The following MYCBP2 variants were observed in gnomAD, a reference collection of about 807,000 sequenced individuals.
The protein encoded by MYCBP2 is MYC binding protein 2, also known as E3 ubiquitin-protein ligase MYCBP2.
A neutral mutation model predicts 525.3 loss-of-function variants in MYCBP2; 120 were observed. The observed-to-expected ratio is 0.23, with a 90% confidence interval of 0.20 to 0.27. The LOEUF is 0.27. Ranked by LOEUF, MYCBP2 falls within the 10% of genes least tolerant of loss-of-function variation. MYCBP2 has a pLI of 1.00. For missense variants in MYCBP2, 4,149 were observed against 5,657.1 expected, an observed-to-expected ratio of 0.73 and a Z score of 8.55; for synonymous variants, 1,894 against 1,955.8, an observed-to-expected ratio of 0.97 and a Z score of 0.83.
intron 65 of MYCBP2, 72 bp from the exon 66 acceptor site, chr13:77,078,961 C>T: frequency 8.2e-7 from 1 of 1,221,216 alleles, no homozygotes; most frequent in Non-Finnish European, 1.2e-6. Context: ...TTCTCATGAC[C>T]TACTAATACC....
Position 77,243,151 on chromosome 13 carries a change from A to G in MYCBP2, c.2537T>C (p.Val846Ala), listed in dbSNP as rs772148428. 2 of 1,613,864 alleles carry G rather than the reference A, an allele frequency of 1.2e-6. No homozygotes were observed. Among genetic ancestry groups the G allele is most frequent in the Non-Finnish European group, 8.5e-7 (1 of 1,179,848 alleles). The part of the protein sequence containing the change: ...IPLDLLLAVP[V>A]PGVNIEEHLQ... ...GTGTTCTTCAATGTTAACCCCGGGC[A>G]CTGGGACAGCTAGATGATTGGCCAA... The change falls in exon 17 of 83, where the codon GTG becomes GCG. Residue 846 changes from valine (V) to alanine (A), a missense_variant. Val to Ala is a moderately conservative substitution (Grantham distance 64, BLOSUM62 0). Around this residue, in one of 21 missense-constraint regions of MYCBP2, gnomAD observed 620 missense variants for 795.5 expected, o/e 0.78. Transcript: ENST00000544440.
At chr13:77,305,169 A>ATC (rs2079252379) in intron 1 of MYCBP2, among the ~76,000 whole-genome samples, 1 of 152,114 alleles carries the variant, frequency 6.6e-6, no homozygotes, top group African/African-American at 2.4e-5. Context: ...CTCATAAGAC[A>ATC]AGCATAACTC....
At chr13:77,113,065 C>A (rs1426416108) in intron 55 of MYCBP2, among the ~76,000 whole-genome samples, 1 of 152,182 alleles carries the variant, frequency 6.6e-6, no homozygotes, top group Non-Finnish European at 1.5e-5. Context: ...GCTTAGTACA[C>A]TGCCTGACAC....
chr13:77,210,783 C>A (rs2063906056), intron 23 of MYCBP2, among the ~76,000 whole-genome samples: 1 of 152,024 alleles, frequency 6.6e-6, no homozygotes, highest in East Asian at 1.9e-4. Context: ...AAAATAACAA[C>A]AGAACTCTCA....
In MYCBP2 at chr13:77,050,993, A is replaced by T. The variant is rs750315739; in HGVS notation, c.13921+4T>A. 1.9e-5 allele frequency: 30 copies of T among 1,598,598 alleles called. No homozygotes were observed. The highest frequency in any genetic ancestry group is 2.4e-5 in the Non-Finnish European group (28 of 1,175,182). The stretch of plus-strand genomic sequence containing the variant: ...ATCGTGATTTTAAAATATTAAAAGC[A>T]TACCTGCAGGACAGTGTGGTAGTTC... On this transcript the variant is annotated splice_donor_region_variant and intron_variant, in intron 82 of 82. Coordinates refer to ENST00000544440, the MANE Select transcript of MYCBP2 (RefSeq NM_015057.5).
At chr13:77,206,853 C>T (rs112996971) in intron 23 of MYCBP2, 28 bp from the exon 24 acceptor site, 1 of 1,532,022 alleles carries the variant, frequency 6.5e-7, no homozygotes, top group African/African-American at 1.4e-5. Context: ...AATTACAGCA[C>T]CTCAATGTGG....
At chr13:77,105,670 T>C (rs1047277450) in intron 55 of MYCBP2, among the ~76,000 whole-genome samples, 1 of 152,112 alleles carries the variant, frequency 6.6e-6, no homozygotes, top group African/African-American at 2.4e-5. Context: ...TAATAATGCT[T>C]TTACAAAATC....
In MYCBP2 at chr13:77,098,151, T is replaced by G; in HGVS notation, c.9003A>C (p.Lys3001Asn). ...KCANRHTRPK[K>N]EKSSFLFKGD... Reference sequence around the variant, plus strand: ...CTTTGAAAAGAAAACTCGATTTTTCTTTTTTGGGCCTGGTGTGTCTATTAG... The same window carrying G: ...CTTTGAAAAGAAAACTCGATTTTTCGTTTTTGGGCCTGGTGTGTCTATTAG... The change falls in exon 56 of 83, where the codon AAA becomes AAC. Residue 3001 changes from lysine (K) to asparagine (N), a missense_variant. Physicochemically the swap from Lys to Asn is moderately conservative, Grantham distance 94 (BLOSUM62 0). This residue lies in a region of MYCBP2 where 653 missense variants were observed against 744.7 expected (regional missense o/e 0.88). Transcript: ENST00000544440. 6.2e-7 allele frequency: 1 copy of G among 1,613,716 alleles called. No individual in the cohort carries two copies. The highest frequency in any genetic ancestry group is 8.5e-7 in the Non-Finnish European group (1 of 1,179,792).
At chr13:77,264,269 G>T (rs1384127089) in intron 8 of MYCBP2, among the ~76,000 whole-genome samples, 1 of 151,992 alleles carries the variant, frequency 6.6e-6, no homozygotes, top group Non-Finnish European at 1.5e-5. Context: ...ATTAGATATA[G>T]TCTGACAGTA....
At chr13:77,150,423 T>C (rs1471880167) in intron 47 of MYCBP2, among the ~76,000 whole-genome samples, 1 of 152,186 alleles carries the variant, frequency 6.6e-6, no homozygotes, top group Non-Finnish European at 1.5e-5. Flanking sequence ...ATTATAGGTG[T>C]GGGCCACTGT....
intron 27 of MYCBP2, among the ~76,000 whole-genome samples, chr13:77,192,080 T>C (rs1173549634): frequency 6.6e-6 from 1 of 152,238 alleles, no homozygotes; most frequent in Non-Finnish European, 1.5e-5. Flanking sequence ...ATATTAAAAT[T>C]AGAATGTTTT....
chr13:77,178,360 C>T (rs2059913860), intron 34 of MYCBP2, among the ~76,000 whole-genome samples: 1 of 152,152 alleles, frequency 6.6e-6, no homozygotes. Context: ...GATAGGTGTG[C>T]AAGGAAGAGG....
intron 8 of MYCBP2, among the ~76,000 whole-genome samples, chr13:77,264,661 A>G (rs192136972): frequency 6.6e-6 from 1 of 152,154 alleles, no homozygotes; most frequent in African/African-American, 2.4e-5. Context: ...TCAATACTGC[A>G]TGTATCTCCA....
intron 51 of MYCBP2, 79 bp from the exon 52 acceptor site, chr13:77,139,415 G>T: frequency 1.4e-6 from 2 of 1,465,724 alleles, no homozygotes; most frequent in African/African-American, 1.4e-5. Flanking sequence ...AGTCTGCAAA[G>T]CAGAAAAATG....
At position 77,225,554 on chromosome 13, in the gene MYCBP2, T is replaced by C. The variant is rs762339382; in HGVS notation, c.2738A>G (p.Asp913Gly). The part of the protein sequence containing the change: ...QLKHKRDKHK[D>G]GSGERGEKDA... Reference sequence around the variant, plus strand: ...CTTTTCGCCTCTTTCTCCACTTCCATCTGCAAGTGTTATAATTTGTGAATT... The same window carrying C: ...CTTTTCGCCTCTTTCTCCACTTCCACCTGCAAGTGTTATAATTTGTGAATT... The change falls in exon 19 of 83, where the codon GAT becomes GGT. Residue 913 changes from aspartate (D) to glycine (G), a missense_variant and splice_region_variant. Physicochemically the swap from Asp to Gly is moderately conservative, Grantham distance 94. This residue lies in a region of MYCBP2 where 620 missense variants were observed against 795.5 expected (regional missense o/e 0.78). Transcript: ENST00000544440. The C allele has an allele frequency of 1.9e-6, 3 of 1,613,294 alleles. No individual in the cohort carries two copies. The highest frequency in any genetic ancestry group is 2.7e-5 in the African/African-American group (2 of 74,890).
Position 77,263,750 on chromosome 13 carries a change from G to T in MYCBP2, c.1471C>A (p.Pro491Thr). ...VVRIFATSTE[P>T]VLQQELQLKL... is the part of the protein sequence containing the mutation. ...AGTTGCAATTCTTGCTGTAGAACAG[G>T]TTCAGTGCTTGTGGCAAATATTCTG... The change falls in exon 10 of 83, where the codon CCT becomes ACT. Residue 491 changes from proline (P) to threonine (T), a missense_variant. Around this residue, in one of 21 missense-constraint regions of MYCBP2, gnomAD observed 262 missense variants for 419.3 expected, o/e 0.62. Coordinates refer to ENST00000544440, the MANE Select transcript of MYCBP2 (RefSeq NM_015057.5). 2 of 1,613,144 alleles carry T rather than the reference G, an allele frequency of 1.2e-6. No individual in the cohort carries two copies. The highest frequency in any genetic ancestry group is 1.7e-6 in the Non-Finnish European group (2 of 1,179,438).
At chr13:77,262,358 A>AT in intron 10 of MYCBP2, among the ~76,000 whole-genome samples, 1 of 152,034 alleles carries the variant, frequency 6.6e-6, no homozygotes, top group Non-Finnish European at 1.5e-5. Context: ...TACCAAATTA[A>AT]TTTTTTAAAT....
intron 55 of MYCBP2, among the ~76,000 whole-genome samples, chr13:77,108,809 T>C (rs528478781): frequency 2.0e-5 from 3 of 152,072 alleles, no homozygotes; most frequent in Non-Finnish European, 4.4e-5. Flanking sequence ...GTTTACACCA[T>C]TCTCCCGCCT....
At chr13:77,192,275 T>C (rs1327193140) in intron 27 of MYCBP2, among the ~76,000 whole-genome samples, 3 of 152,362 alleles carry the variant, frequency 2.0e-5, no homozygotes, top group East Asian at 3.9e-4. Context: ...CAGGGCAAGT[T>C]ACTCTATCCT....
Sources: allele counts gnomAD v4.1 joint callset (sites outside exome capture counted in the v4.1 genomes callset), GRCh38; gene constraint gnomAD v4.1.1; regional missense constraint gnomAD v4.1.1; transcripts MANE v1.5; gene names NCBI Gene and HGNC (gene_info 2026-07-23, HGNC 2026-07-21).